PTPRT: variants seen among roughly 807,000 people sequenced by gnomAD.
The protein encoded by PTPRT is receptor-type tyrosine-protein phosphatase T.
A neutral mutation model predicts 176.8 loss-of-function variants in PTPRT; 56 were observed. The observed-to-expected ratio is 0.32, with a 90% confidence interval of 0.26 to 0.40. The LOEUF (loss-of-function observed/expected upper bound fraction) is 0.40. PTPRT is among the 10% of genes least tolerant of loss of function. The probability of loss-of-function intolerance (pLI) is 1.00; values close to 1 mark genes in which losing one functional copy is unlikely to be tolerated. For missense variants in PTPRT, 1,540 were observed against 1,908.2 expected (o/e 0.81, Z 3.60); for synonymous variants, 783 against 739.0 (o/e 1.06, Z -0.96).
chr20:42,821,895 C>T (rs1029260812), intron 2 of PTPRT, among the ~76,000 whole-genome samples: 6 of 152,112 alleles, frequency 3.9e-5, no homozygotes, highest in Non-Finnish European at 5.9e-5. Flanking sequence ...CAAACCACTT[C>T]TCAATGAAAT....
chr20:43,153,348 A>G (rs1454367206), intron 1 of PTPRT, among the ~76,000 whole-genome samples: 2 of 152,264 alleles, frequency 1.3e-5, no homozygotes. Flanking sequence ...GTGAAGTGGA[A>G]AAGCCAGTGG....
Position 42,370,635 on chromosome 20 carries a change from T to C in PTPRT, c.1561-18350A>G, listed in dbSNP as rs994207160. On this transcript the variant is annotated intron_variant, in intron 9 of 30. Transcript: ENST00000373187. ...TGGAGACAATGATGTCCCTTTCTTATAGGTCAGAATGGGGAATAACTGAGA... is the reference window on the plus strand; with the variant it reads ...TGGAGACAATGATGTCCCTTTCTTACAGGTCAGAATGGGGAATAACTGAGA... Among the ~76,000 whole-genome samples, 6 of 152,336 alleles carry C rather than the reference T, an allele frequency of 3.9e-5. No homozygotes were observed. In the Middle Eastern group the frequency reaches 0.014, roughly 345 times the overall value.
intron 7 of PTPRT, among the ~76,000 whole-genome samples, chr20:42,538,296 C>T (rs1281200050): frequency 1.3e-5 from 2 of 152,152 alleles, no homozygotes; most frequent in Non-Finnish European, 2.9e-5. Flanking sequence ...CTCAAGGTTC[C>T]TTTTCCAAGT....
chr20:42,316,272 C>A (rs2057720727), intron 11 of PTPRT, among the ~76,000 whole-genome samples: 1 of 152,176 alleles, frequency 6.6e-6, no homozygotes, highest in African/African-American at 2.4e-5. Flanking sequence ...CATTTCCTTT[C>A]TTAGTAAATG....
intron 1 of PTPRT, among the ~76,000 whole-genome samples, chr20:43,039,659 C>T (rs759387990): frequency 9.9e-5 from 15 of 151,840 alleles, no homozygotes. Context: ...AAAAAGAAAA[C>T]CACCACCTGA....
intron 16 of PTPRT, among the ~76,000 whole-genome samples, chr20:42,190,499 A>G (rs1036215034): frequency 6.6e-6 from 1 of 152,202 alleles, no homozygotes; most frequent in Non-Finnish European, 1.5e-5. Context: ...AGAGGCCATA[A>G]TTCTACTATC....
chr20:42,570,065 T>C (rs1420671121), intron 7 of PTPRT, among the ~76,000 whole-genome samples: 1 of 152,226 alleles, frequency 6.6e-6, no homozygotes, highest in African/African-American at 2.4e-5. Flanking sequence ...GACAGGCTTC[T>C]GCTACCCCAC....
At chr20:42,559,461 G>A (rs1400284451) in intron 7 of PTPRT, among the ~76,000 whole-genome samples, 3 of 152,124 alleles carry the variant, frequency 2.0e-5, no homozygotes, top group Admixed American at 1.3e-4. Context: ...CCATACTTTT[G>A]TTTTCCAAGA....
At chr20:42,703,659 TC>T (rs1277411217) in intron 6 of PTPRT, among the ~76,000 whole-genome samples, 1 of 152,146 alleles carries the variant, frequency 6.6e-6, no homozygotes, top group East Asian at 1.9e-4. Context: ...CCTCACTCCT[TC>T]CATTTACTAC....
intron 2 of PTPRT, among the ~76,000 whole-genome samples, chr20:42,859,434 G>C (rs1316665628): frequency 6.6e-6 from 1 of 152,034 alleles, no homozygotes; most frequent in African/African-American, 2.4e-5. Context: ...TGGCCACCTG[G>C]TTGCCAGAGG....
chr20:42,641,458 C>T (rs562544756), intron 7 of PTPRT, among the ~76,000 whole-genome samples: 2 of 152,202 alleles, frequency 1.3e-5, no homozygotes, highest in Admixed American at 6.5e-5. Flanking sequence ...TCTGTCTCCT[C>T]GCTCCCTCGC....
At chr20:42,091,474 T>C (rs1485131921) in intron 27 of PTPRT, among the ~76,000 whole-genome samples, 1 of 152,216 alleles carries the variant, frequency 6.6e-6, no homozygotes, top group Non-Finnish European at 1.5e-5. Context: ...TTTCTTTTAT[T>C]AAAAATACTT....
At chr20:42,491,990 G>A (rs2071568445) in intron 7 of PTPRT, among the ~76,000 whole-genome samples, 1 of 152,036 alleles carries the variant, frequency 6.6e-6, no homozygotes, top group South Asian at 2.1e-4. Context: ...TTCTCTTGAG[G>A]CTCATCCAAG....
intron 7 of PTPRT, among the ~76,000 whole-genome samples, chr20:42,486,550 T>C (rs1460249847): frequency 6.6e-6 from 1 of 152,164 alleles, no homozygotes; most frequent in African/African-American, 2.4e-5. Context: ...CTTGTAGGGT[T>C]TAAATAAAAT....
chr20:42,703,402 A>T lies in PTPRT; in HGVS notation c.860-25243T>A, dbSNP rs532654352. Among the ~76,000 whole-genome samples, 33 of 152,358 alleles carry T rather than the reference A, an allele frequency of 2.2e-4. 1 individual carries two copies. The South Asian group carries it at 6.4e-3, about 30-fold the overall frequency. ...AAAGAAAGGAGGAAAGAAAAGAAAA[A>T]AGAGACAGAAAAGGAAATAAGAGAA... On this transcript the variant is annotated intron_variant, in intron 6 of 30. Transcript: ENST00000373187.
chr20:42,535,581 C>T (rs959323967), intron 7 of PTPRT, among the ~76,000 whole-genome samples: 1 of 152,162 alleles, frequency 6.6e-6, no homozygotes, highest in African/African-American at 2.4e-5. Context: ...TATCCAAGAA[C>T]ATTTTTGCAA....
chr20:42,839,471 T>C lies in PTPRT; in HGVS notation c.214+46336A>G, dbSNP rs955752949. On this transcript the variant is annotated intron_variant, in intron 2 of 30. Coordinates refer to ENST00000373187, the MANE Select transcript of PTPRT (RefSeq NM_007050.6). ...ATGATAAAATCCTACCACTCTGGGG[T>C]TGCCCTCCAGAAAGTGAGGATTAAG... Among the ~76,000 whole-genome samples the C allele has an allele frequency of 2.0e-5, 3 of 152,258 alleles. No individual in the cohort carries two copies. In the East Asian group the frequency reaches 5.8e-4, roughly 29 times the overall value.
intron 1 of PTPRT, among the ~76,000 whole-genome samples, chr20:43,019,694 G>A (rs754069064): frequency 1.5e-4 from 23 of 151,576 alleles, no homozygotes; most frequent in Non-Finnish European, 2.6e-4. Flanking sequence ...AGACTGATGT[G>A]TGAGTCCATG....
chr20:42,812,505 A>C (rs1321631322), intron 2 of PTPRT, among the ~76,000 whole-genome samples: 2 of 152,124 alleles, frequency 1.3e-5, no homozygotes, highest in Non-Finnish European at 2.9e-5. Flanking sequence ...AACAGTAACA[A>C]TTTTTGGGAG....
Sources: gnomAD v4.1 joint callset for allele counts (sites outside exome capture counted in the v4.1 genomes callset) on GRCh38, gnomAD v4.1.1 for gene constraint, MANE v1.5 for transcripts, NCBI Gene and HGNC (gene_info 2026-07-23, HGNC 2026-07-21) for gene names.